Variants in CSMD1 observed in about 807,000 individuals in gnomAD.
CSMD1 encodes CUB and sushi domain-containing protein 1.
In CSMD1, 213 loss-of-function variants were observed where a neutral mutation model predicts 417.5. The ratio of observed to expected loss-of-function variants is 0.51; its 90% CI spans 0.46 to 0.57. The LOEUF (loss-of-function observed/expected upper bound fraction) is 0.57, where lower values mean the gene tolerates loss of function less well. Among genes scored for constraint, CSMD1 ranks in the 20% least tolerant of loss-of-function variants. CSMD1 has a pLI of 0.00. For missense variants in CSMD1, 6,923 were observed against 4,529.7 expected (o/e 1.53, Z -15.17); for synonymous variants, 2,862 against 1,736.8 (o/e 1.65, Z -16.11).
intron 5 of CSMD1, among the ~76,000 whole-genome samples, chr8:3,836,120 C>G (rs1044812951): frequency 6.6e-6 from 1 of 152,090 alleles, no homozygotes; most frequent in African/African-American, 2.4e-5. Flanking sequence ...CACCTCCTAT[C>G]CTTTGAAAGG....
In CSMD1 at chr8:3,219,391, A is replaced by T. The variant is rs1411476571; in HGVS notation, c.4536T>A (p.Asp1512Glu). ...AACTCCCAATGAGGGGGCTGTTGGAATCTTCCCCTTCATAGATGTGTAGGA... is the reference window on the plus strand; with the variant it reads ...AACTCCCAATGAGGGGGCTGTTGGATTCTTCCCCTTCATAGATGTGTAGGA... ...YDFLHIYEGE[D>E]SNSPLIGSYQ... Residue 1512 changes from aspartate to glutamate, a missense_variant, in exon 29 of 70, where the codon GAT (aspartate) becomes GAA (glutamate). Asp to Glu is a conservative substitution (Grantham distance 45). Transcript: ENST00000635120. 3.8e-6 allele frequency: 6 copies of T among 1,564,876 alleles called. No individual in the cohort carries two copies. Among genetic ancestry groups the T allele is most frequent in the Non-Finnish European group, 5.2e-6 (6 of 1,154,744 alleles).
chr8:2,972,738 G>A (rs901497416), intron 57 of CSMD1, among the ~76,000 whole-genome samples: 1 of 152,192 alleles, frequency 6.6e-6, no homozygotes, highest in African/African-American at 2.4e-5. Flanking sequence ...AAGGAAGCCT[G>A]CTTCCAGCCT....
At chr8:4,910,628 T>C (rs556603383) in intron 1 of CSMD1, among the ~76,000 whole-genome samples, 1 of 152,314 alleles carries the variant, frequency 6.6e-6, no homozygotes, top group Admixed American at 6.5e-5. Context: ...CCTCCAAATA[T>C]TACCATTTTG....
Position 4,510,390 on chromosome 8 carries a change from T to TAAAAAAAAAAAAAAAAAAAAAAAAAAA in CSMD1, c.303-90352_303-90326dup, listed in dbSNP as rs34791623. 9.7e-4 allele frequency among the ~76,000 whole-genome samples: 53 copies of TAAAAAAAAAAAAAAAAAAAAAAAAAAA among 54,644 alleles called. 9 individuals are homozygous for TAAAAAAAAAAAAAAAAAAAAAAAAAAA. Among genetic ancestry groups the TAAAAAAAAAAAAAAAAAAAAAAAAAAA allele is most frequent in the Middle Eastern group, 0.019 (1 of 52 alleles). 35.8% of individuals were successfully genotyped at this position (54,644 alleles called of 152,430 possible). ...GTAGACAATTAAAAAGCATAATGCC[T>TAAAAAAAAAAAAAAAAAAAAAAAAAAA]AAAAAAAAAAAAAAAAAAAAAAAAA... On this transcript the variant is annotated intron_variant, in intron 2 of 69. Transcript: ENST00000635120.
intron 54 of CSMD1, among the ~76,000 whole-genome samples, chr8:2,986,782 G>A (rs1485607251): frequency 6.6e-6 from 1 of 152,144 alleles, no homozygotes; most frequent in Non-Finnish European, 1.5e-5. Flanking sequence ...GGGATTACAG[G>A]CGTGAGCCAC....
intron 6 of CSMD1, among the ~76,000 whole-genome samples, chr8:3,748,936 T>C (rs73496893): frequency 0.061 from 9,237 of 152,258 alleles, 962 homozygotes; most frequent in African/African-American, 0.21. Flanking sequence ...GGAATTTTAT[T>C]ACAAACACTT....
At chr8:4,588,048 G>C (rs184584218) in intron 2 of CSMD1, among the ~76,000 whole-genome samples, 1 of 152,088 alleles carries the variant, frequency 6.6e-6, no homozygotes, top group Non-Finnish European at 1.5e-5. Context: ...ACTAACAAAA[G>C]GAGCAAGGTA....
intron 5 of CSMD1, among the ~76,000 whole-genome samples, chr8:3,979,225 T>C (rs147158431): frequency 2.6e-5 from 4 of 152,222 alleles, no homozygotes; most frequent in Admixed American, 2.6e-4. Context: ...GTATAGGAAG[T>C]TTTAGGCCAG....
At chr8:3,313,808 G>T (rs936049656) in intron 23 of CSMD1, among the ~76,000 whole-genome samples, 18 of 152,138 alleles carry the variant, frequency 1.2e-4, no homozygotes, top group African/African-American at 4.3e-4. Flanking sequence ...CTTCTATAAG[G>T]AAACATGCAC....
intron 25 of CSMD1, among the ~76,000 whole-genome samples, chr8:3,305,630 C>T (rs908629553): frequency 2.6e-5 from 4 of 152,264 alleles, no homozygotes; most frequent in Admixed American, 6.5e-5. Flanking sequence ...TGCCCTTGGA[C>T]TTCCCATCCT....
intron 3 of CSMD1, among the ~76,000 whole-genome samples, chr8:4,409,824 T>C (rs905667929): frequency 2.6e-5 from 4 of 152,120 alleles, no homozygotes; most frequent in Admixed American, 2.0e-4. Flanking sequence ...TTTAGTTTGT[T>C]TGTCTTTGAG....
chr8:3,548,059 C>T (rs1171302184), intron 10 of CSMD1, among the ~76,000 whole-genome samples: 1 of 152,086 alleles, frequency 6.6e-6, no homozygotes, highest in Non-Finnish European at 1.5e-5. Flanking sequence ...GAAAGTAGGA[C>T]AGTATTTTGA....
chr8:3,561,595 G>A (rs188883922), intron 10 of CSMD1, among the ~76,000 whole-genome samples: 31 of 152,216 alleles, frequency 2.0e-4, no homozygotes, highest in African/African-American at 7.2e-4. Context: ...GATAAGGATG[G>A]CAACAACAGA....
At chr8:3,607,868 G>C (rs1584953944) in intron 8 of CSMD1, among the ~76,000 whole-genome samples, 1 of 152,184 alleles carries the variant, frequency 6.6e-6, no homozygotes, top group African/African-American at 2.4e-5. Context: ...GGAAGAACAT[G>C]ACTAAGAAGT....
intron 3 of CSMD1, among the ~76,000 whole-genome samples, chr8:4,034,732 C>A (rs1408680449): frequency 6.6e-6 from 1 of 152,042 alleles, no homozygotes; most frequent in Non-Finnish European, 1.5e-5. Context: ...TCTTTAATGT[C>A]CAGGAATATT....
intron 5 of CSMD1, among the ~76,000 whole-genome samples, chr8:3,993,150 G>A (rs924842413): frequency 6.6e-6 from 1 of 152,202 alleles, no homozygotes; most frequent in African/African-American, 2.4e-5. Flanking sequence ...TTACACTATG[G>A]TTATGTAAGA....
intron 2 of CSMD1, among the ~76,000 whole-genome samples, chr8:4,449,827 G>A (rs1407292584): frequency 2.0e-5 from 3 of 152,092 alleles, no homozygotes; most frequent in South Asian, 2.1e-4. Flanking sequence ...CCCCTCCTAC[G>A]TTCCCTATCT....
At chr8:3,526,751 T>G (rs1797769844) in intron 10 of CSMD1, among the ~76,000 whole-genome samples, 1 of 152,188 alleles carries the variant, frequency 6.6e-6, no homozygotes, top group African/African-American at 2.4e-5. Flanking sequence ...TTACCCTCAT[T>G]CAGTTTCCCT....
intron 3 of CSMD1, among the ~76,000 whole-genome samples, chr8:4,077,300 T>TAC (rs1799876454): frequency 1.5e-5 from 1 of 68,054 alleles, no homozygotes; most frequent in African/African-American, 4.1e-5. Context: ...TATATGTGTA[T>TAC]ATATATATAT....
Sources: allele counts gnomAD v4.1 joint callset (sites outside exome capture counted in the v4.1 genomes callset), GRCh38; gene constraint gnomAD v4.1.1; transcripts MANE v1.5; gene names NCBI Gene and HGNC (gene_info 2026-07-23, HGNC 2026-07-21).